Variants in TMEM132D observed in about 807,000 individuals in gnomAD.
The protein encoded by TMEM132D is mature OL transmembrane protein.
Under a neutral mutation model 62.3 loss-of-function variants are expected in TMEM132D, and 21 were observed. The ratio of observed to expected loss-of-function variants is 0.34; its 90% CI spans 0.24 to 0.49. The LOEUF (loss-of-function observed/expected upper bound fraction) is 0.49, where lower values mean the gene tolerates loss of function less well. Ranked by LOEUF, TMEM132D falls within the 20% of genes least tolerant of loss-of-function variation. The pLI is 0.99. For missense variants in TMEM132D, 1,346 were observed against 1,402.8 expected, an observed-to-expected ratio of 0.96 and a Z score of 0.65; for synonymous variants, 621 against 575.6, an observed-to-expected ratio of 1.08 and a Z score of -1.13.
chr12:129,481,877 A>G (rs1050609139), intron 3 of TMEM132D, among the ~76,000 whole-genome samples: 3 of 151,598 alleles, frequency 2.0e-5, no homozygotes, highest in African/African-American at 7.3e-5. Flanking sequence ...CACCCCCACC[A>G]CCACCTACAC....
At chr12:129,540,714 T>C (rs530428690) in intron 2 of TMEM132D, among the ~76,000 whole-genome samples, 1 of 152,302 alleles carries the variant, frequency 6.6e-6, no homozygotes, top group Non-Finnish European at 1.5e-5. Context: ...CTCGAACTCC[T>C]GGCCTCAAGT....
intron 1 of TMEM132D, among the ~76,000 whole-genome samples, chr12:129,880,471 T>C (rs918437339): frequency 6.6e-6 from 1 of 152,192 alleles, no homozygotes; most frequent in Admixed American, 6.5e-5. Flanking sequence ...AAAATCCATT[T>C]TGTCTTATCT....
At chr12:129,816,282 T>A (rs985992065) in intron 1 of TMEM132D, among the ~76,000 whole-genome samples, 6 of 152,196 alleles carry the variant, frequency 3.9e-5, no homozygotes, top group African/African-American at 1.4e-4. Context: ...AACTTCAACA[T>A]CTTCTGATTA....
At chr12:129,846,899 C>T (rs990701509) in intron 1 of TMEM132D, among the ~76,000 whole-genome samples, 1 of 152,162 alleles carries the variant, frequency 6.6e-6, no homozygotes, top group African/African-American at 2.4e-5. Context: ...ATTCCAGTAT[C>T]TGGATCATCC....
Position 129,213,522 on chromosome 12 carries a change from A to C in TMEM132D, c.1300-3859T>G, listed in dbSNP as rs569138041. On this transcript the variant is annotated intron_variant, in intron 4 of 8. Coordinates refer to ENST00000422113, the MANE Select transcript of TMEM132D (RefSeq NM_133448.3). The stretch of plus-strand genomic sequence containing the variant: ...AAAACAAACAAAACAAAACAAAACA[A>C]AACAAAAAAACCTAGAGAGGCTGGG... Among the ~76,000 whole-genome samples, 3 of 152,076 alleles carry C rather than the reference A, an allele frequency of 2.0e-5. No individual in the cohort carries two copies. In the South Asian group the frequency reaches 6.3e-4, roughly 32 times the overall value.
chr12:129,421,528 AC>A (rs1448953258), intron 3 of TMEM132D, among the ~76,000 whole-genome samples: 2 of 152,192 alleles, frequency 1.3e-5, no homozygotes, highest in Non-Finnish European at 2.9e-5. Flanking sequence ...AGTTTCCAGA[AC>A]AACTATCCTC....
At chr12:129,278,395 G>T (rs1007964157) in intron 4 of TMEM132D, among the ~76,000 whole-genome samples, 2 of 152,116 alleles carry the variant, frequency 1.3e-5, no homozygotes, top group Admixed American at 6.5e-5. Flanking sequence ...CATCTGGAAG[G>T]TCAGTGAAAA....
At chr12:129,567,701 T>C (rs936031774) in intron 2 of TMEM132D, among the ~76,000 whole-genome samples, 1 of 152,196 alleles carries the variant, frequency 6.6e-6, no homozygotes, top group Non-Finnish European at 1.5e-5. Flanking sequence ...TAAAATTACA[T>C]CATTTATGTT....
chr12:129,621,732 A>T (rs1879076047), intron 2 of TMEM132D, among the ~76,000 whole-genome samples: 1 of 152,202 alleles, frequency 6.6e-6, no homozygotes. Context: ...GGAGGTAGGT[A>T]CTATCACTAT....
At chr12:129,436,134 T>G (rs961858740) in intron 3 of TMEM132D, among the ~76,000 whole-genome samples, 2 of 152,180 alleles carry the variant, frequency 1.3e-5, no homozygotes, top group Admixed American at 1.3e-4. Context: ...TGGATGAGAA[T>G]CTCAGCCTAA....
intron 1 of TMEM132D, among the ~76,000 whole-genome samples, chr12:129,763,567 T>G (rs560957426): frequency 6.6e-6 from 1 of 152,244 alleles, no homozygotes; most frequent in South Asian, 2.1e-4. Flanking sequence ...GGGTAACTGG[T>G]CCCAGAGGTT....
At chr12:129,813,988 T>C (rs559151508) in intron 1 of TMEM132D, among the ~76,000 whole-genome samples, 1 of 152,304 alleles carries the variant, frequency 6.6e-6, no homozygotes, top group South Asian at 2.1e-4. Flanking sequence ...AAATTTGTCA[T>C]ATCTTTTAAA....
At chr12:129,236,130 GTGTGTA>G (rs922648438) in intron 4 of TMEM132D, among the ~76,000 whole-genome samples, 7 of 125,172 alleles carry the variant, frequency 5.6e-5, no homozygotes, top group African/African-American at 1.9e-4. Context: ...GTGTGTGTGT[GTGTGTA>G]TGTGTGTATG....
intron 1 of TMEM132D, among the ~76,000 whole-genome samples, chr12:129,783,403 T>A (rs1039788928): frequency 4.6e-5 from 7 of 152,146 alleles, no homozygotes; most frequent in African/African-American, 1.4e-4. Context: ...TGCAAATAAT[T>A]TTACTATTAA....
chr12:129,424,619 A>G (rs903221884), intron 3 of TMEM132D, among the ~76,000 whole-genome samples: 1 of 148,844 alleles, frequency 6.7e-6, no homozygotes, highest in Non-Finnish European at 1.5e-5. Context: ...GAGGCAGGAG[A>G]ATGGCGTGAA....
chr12:129,295,698 G>A (rs1167386299), intron 4 of TMEM132D, among the ~76,000 whole-genome samples: 1 of 151,912 alleles, frequency 6.6e-6, no homozygotes, highest in African/African-American at 2.4e-5. Flanking sequence ...TTGGTTCCAG[G>A]ACACCATGAA....
intron 3 of TMEM132D, among the ~76,000 whole-genome samples, chr12:129,356,941 G>GAGGGGAGGGGAGGGGAGGGGAGGGGAGGT (rs1870080417): frequency 8.4e-6 from 1 of 118,858 alleles, no homozygotes; most frequent in African/African-American, 3.7e-5. Context: ...AGAGGGGAGG[G>GAGGGGAGGGGAGGGGAGGGGAGGGGAGGT]GAGGGGAGGG....
At chr12:129,261,309 T>C (rs905346188) in intron 4 of TMEM132D, among the ~76,000 whole-genome samples, 2 of 152,150 alleles carry the variant, frequency 1.3e-5, no homozygotes, top group African/African-American at 2.4e-5. Context: ...TGGGAAGTAA[T>C]TGAATCATGG....
chr12:129,225,613 G>A (rs186119242), intron 4 of TMEM132D, among the ~76,000 whole-genome samples: 2 of 152,186 alleles, frequency 1.3e-5, no homozygotes, highest in South Asian at 2.1e-4. Context: ...GTTCTTATGC[G>A]GATCCAATGA....
Sources: gnomAD v4.1 joint callset for allele counts (sites outside exome capture counted in the v4.1 genomes callset) on GRCh38, gnomAD v4.1.1 for gene constraint, MANE v1.5 for transcripts, NCBI Gene and HGNC (gene_info 2026-07-23, HGNC 2026-07-21) for gene names.